UBE2J2: variants seen among roughly 807,000 people sequenced by gnomAD.
UBE2J2 encodes ubiquitin conjugating enzyme E2 J2.
A neutral mutation model predicts 28.6 loss-of-function variants in UBE2J2; 5 were observed. The ratio of observed to expected loss-of-function variants is 0.17; its 90% CI spans 0.09 to 0.37. The LOEUF (loss-of-function observed/expected upper bound fraction) is 0.37. Among genes scored for constraint, UBE2J2 ranks in the 10% least tolerant of loss-of-function variants. The probability of loss-of-function intolerance (pLI) is 1.00; values close to 1 mark genes in which losing one functional copy is unlikely to be tolerated. For synonymous variants in UBE2J2, 138 were observed against 139.7 expected (o/e 0.99, Z 0.09); for missense variants, 226 against 338.9 (o/e 0.67, Z 2.62).
intron 3 of UBE2J2, chr1:1,263,032 G>T (rs1350454297): frequency 9.8e-6 from 3 of 307,120 alleles, no homozygotes; most frequent in Admixed American, 4.2e-5. Context: ...ATATGCACTG[G>T]GTCTTAAGAA....
rs546155668 is a variant in UBE2J2 at position 1,266,077 on chromosome 1, C to T, written c.131+1785G>A. The stretch of plus-strand genomic sequence containing the variant: ...TCGCAACCAGCGAGGAGGCGGCTAC[C>T]GTGGAACTTGTCCCTCTCACCTGCC... On this transcript the variant is annotated intron_variant, in intron 2 of 6. Coordinates refer to ENST00000349431, the MANE Select transcript of UBE2J2 (RefSeq NM_058167.3). 2.1e-4 allele frequency: 269 copies of T among 1,303,982 alleles called. 1 individual carries two copies. Among genetic ancestry groups the T allele is most frequent in the Non-Finnish European group, 2.0e-4 (199 of 988,776 alleles). The allele number at this position is 1,303,982 out of a possible 1,614,324, so 80.8% of individuals were successfully genotyped here.
chr1:1,265,596 C>G (rs1235468199), intron 2 of UBE2J2, among the ~76,000 whole-genome samples: 15 of 120,132 alleles, frequency 1.2e-4, no homozygotes, highest in Admixed American at 1.2e-3. Context: ...TGTGTGTTTT[C>G]TCTCCATTGT....
chr1:1,273,309 G>A (rs559131264), intron 1 of UBE2J2: 2 of 152,396 alleles, frequency 1.3e-5, no homozygotes, highest in Admixed American at 6.5e-5. Flanking sequence ...AACAGTTCAG[G>A]GGCGAGGCGA....
intron 4 of UBE2J2, 30 bp downstream of exon 4, chr1:1,257,174 CAGAA>C (rs1329272879): frequency 6.2e-7 from 1 of 1,602,388 alleles, no homozygotes; most frequent in Admixed American, 1.7e-5. Context: ...CCACCGCAGC[CAGAA>C]AGCCTCCGCG....
intron 1 of UBE2J2, among the ~76,000 whole-genome samples, chr1:1,272,155 A>G (rs1162447347): frequency 6.6e-6 from 1 of 152,074 alleles, no homozygotes; most frequent in Non-Finnish European, 1.5e-5. Context: ...GTATCAAAAA[A>G]AAAAAATTCC....
At position 1,272,295 on chromosome 1, in the gene UBE2J2, A is replaced by G. The variant is rs560022451; in HGVS notation, c.-1+1371T>C. On this transcript the variant is annotated intron_variant, in intron 1 of 6. Coordinates refer to ENST00000349431, the MANE Select transcript of UBE2J2 (RefSeq NM_058167.3). The stretch of plus-strand genomic sequence containing the variant: ...AGAAAGAGTTGGCGATTTTAAAACA[A>G]AAAGGCACAGGAAAAAAAAATGTTC... Among the ~76,000 whole-genome samples, 13 of 152,362 alleles carry G rather than the reference A, an allele frequency of 8.5e-5. No homozygotes were observed. The South Asian group carries it at 2.7e-3, about 32-fold the overall frequency.
At chr1:1,272,667 C>T (rs1221579578) in intron 1 of UBE2J2, among the ~76,000 whole-genome samples, 1 of 152,074 alleles carries the variant, frequency 6.6e-6, no homozygotes, top group Non-Finnish European at 1.5e-5. Context: ...GGCTCACCTG[C>T]CTGTCACTCA....
intron 2 of UBE2J2, among the ~76,000 whole-genome samples, chr1:1,263,804 G>A (rs1020002529): frequency 6.6e-6 from 1 of 151,336 alleles, no homozygotes; most frequent in East Asian, 2.0e-4. Flanking sequence ...ACCAGCCTAG[G>A]CAACATAGCA....
chr1:1,257,292 T>A lies in UBE2J2; in HGVS notation c.191A>T (p.Lys64Ile), dbSNP rs1639242893. ...AGGAAATTCTCTGGGAAAAATTAGT[T>A]TTCCATGATAATAGCCACCTACATG... ...TPYEGGYYHG[K>I]LIFPREFPFK... is the part of the protein sequence containing the mutation. The change falls in exon 4 of 7, where the codon AAA becomes ATA. Residue 64 changes from lysine to isoleucine, a missense_variant. This residue lies in a region of UBE2J2 where 80 missense variants were observed against 114.5 expected (regional missense o/e 0.70). Coordinates refer to ENST00000349431, the MANE Select transcript of UBE2J2 (RefSeq NM_058167.3). 1 of 1,612,366 alleles carries A rather than the reference T, an allele frequency of 6.2e-7. No individual in the cohort carries two copies. Among genetic ancestry groups the A allele is most frequent in the South Asian group, 1.1e-5 (1 of 91,022 alleles).
At chr1:1,256,894 A>G in intron 5 of UBE2J2, 98 bp downstream of exon 5, 3 of 1,054,838 alleles carry the variant, frequency 2.8e-6, no homozygotes, top group Non-Finnish European at 3.7e-6. Flanking sequence ...TCAAGAAAAA[A>G]AAAAAAAAAA....
intron 3 of UBE2J2, among the ~76,000 whole-genome samples, chr1:1,258,028 CTTTTTTTTGT>C (rs1260431880): frequency 6.6e-6 from 1 of 151,764 alleles, no homozygotes; most frequent in Non-Finnish European, 1.5e-5. Flanking sequence ...CACGTTCCCA[CTTTTTTTTGT>C]TTTGTTTTGT....
At position 1,268,365 on chromosome 1, in the gene UBE2J2, A is replaced by G. The variant is rs72894079; in HGVS notation, c.1-373T>C. ...TGAGGGCAGCTACTCGCACCTTCCA[A>G]CTCAGCTCAAGGACCCCGCACTGAT... On this transcript the variant is annotated intron_variant, in intron 1 of 6. Coordinates refer to ENST00000349431, the MANE Select transcript of UBE2J2 (RefSeq NM_058167.3). This position sits in a 1 kb window ranked among gnomAD's most constrained non-coding sequence, Gnocchi z 4.7. Among the ~76,000 whole-genome samples, 1,566 of 151,918 alleles carry G rather than the reference A, an allele frequency of 0.01. 18 individuals are homozygous for G. Among genetic ancestry groups the G allele is most frequent in the African/African-American group, 0.036 (1,476 of 41,404 alleles).
At chr1:1,267,102 T>C (rs1639912489) in intron 2 of UBE2J2, among the ~76,000 whole-genome samples, 1 of 152,056 alleles carries the variant, frequency 6.6e-6, no homozygotes, top group Admixed American at 6.5e-5. Context: ...TTGACCAGGC[T>C]GGTCTCGAAC....
chr1:1,267,570 G>A (rs1639940029), intron 2 of UBE2J2, among the ~76,000 whole-genome samples: 1 of 152,140 alleles, frequency 6.6e-6, no homozygotes, highest in Admixed American at 6.5e-5. Context: ...ACTCTCTCCA[G>A]CCCCAACCTG....
intron 5 of UBE2J2, among the ~76,000 whole-genome samples, chr1:1,256,515 C>T (rs940536936): frequency 1.9e-4 from 29 of 152,198 alleles, no homozygotes; most frequent in African/African-American, 7.0e-4. Context: ...AACACGAGGC[C>T]ACAGAGCAAA....
chr1:1,273,799 C>A lies in UBE2J2; in HGVS notation c.-134G>T, dbSNP rs975127660. Reference sequence around the variant, plus strand: ...CCGGGATTGGGCCCACCGAACCCGCCGCAGCGCCGCCGCCGCCGCCTCAGC... The same window carrying A: ...CCGGGATTGGGCCCACCGAACCCGCAGCAGCGCCGCCGCCGCCGCCTCAGC... On this transcript the variant is annotated 5_prime_UTR_variant, in exon 1 of 7. Transcript: ENST00000349431. The A allele has an allele frequency of 1.5e-4, 22 of 146,722 alleles. No individual in the cohort carries two copies. Among genetic ancestry groups the A allele is most frequent in the Non-Finnish European group, 2.9e-4 (20 of 68,594 alleles). The allele number at this position is 146,722 out of a possible 1,614,324, so 9.1% of individuals were successfully genotyped here.
At chr1:1,262,175 G>A (rs912604824) in intron 3 of UBE2J2, 4 of 362,572 alleles carry the variant, frequency 1.1e-5, no homozygotes, top group African/African-American at 2.1e-5. Flanking sequence ...CTCACTCGGT[G>A]GTATATATTC....
At chr1:1,266,802 G>A (rs1403265648) in intron 2 of UBE2J2, among the ~76,000 whole-genome samples, 2 of 152,164 alleles carry the variant, frequency 1.3e-5, no homozygotes, top group African/African-American at 4.8e-5. Context: ...ACTCCAGTCT[G>A]GGTGACAGTG....
At chr1:1,270,646 A>G (rs1640102089) in intron 1 of UBE2J2, among the ~76,000 whole-genome samples, 1 of 152,150 alleles carries the variant, frequency 6.6e-6, no homozygotes, top group Non-Finnish European at 1.5e-5. Flanking sequence ...CCGTGGGTCC[A>G]GAAGGTCTGA....
Sources: gnomAD v4.1 joint callset for allele counts (sites outside exome capture counted in the v4.1 genomes callset) on GRCh38, gnomAD v4.1.1 for gene constraint, gnomAD v4.1.1 regional missense constraint, Gnocchi (gnomAD v3.1) non-coding constraint, MANE v1.5 for transcripts, NCBI Gene and HGNC (gene_info 2026-07-23, HGNC 2026-07-21) for gene names.